The following CLTA variants were observed in gnomAD, a reference collection of about 807,000 sequenced individuals.
CLTA encodes the protein clathrin light chain A.
Under a neutral mutation model 26.9 loss-of-function variants are expected in CLTA, and 9 were observed. The observed-to-expected ratio is 0.33, with a 90% confidence interval of 0.20 to 0.58. The LOEUF is 0.58. Ranked by LOEUF, CLTA falls within the 20% of genes least tolerant of loss-of-function variation. CLTA has a pLI of 0.85. For synonymous variants in CLTA, 120 were observed against 115.5 expected (o/e 1.04, Z -0.25); for missense variants, 278 against 294.2 (o/e 0.94, Z 0.40).
At chr9:36,195,773 C>T (rs1826987140) in intron 1 of CLTA, among the ~76,000 whole-genome samples, 2 of 152,038 alleles carry the variant, frequency 1.3e-5, no homozygotes, top group African/African-American at 4.8e-5. Context: ...TTGAGACCAG[C>T]CTGACCAACA....
At chr9:36,204,324 A>C in intron 4 of CLTA, 145 bp downstream of exon 4, 1 of 842,354 alleles carries the variant, frequency 1.2e-6, no homozygotes, top group Non-Finnish European at 1.8e-6. Context: ...ACAGGTTGCA[A>C]GTCTCTCGGG....
chr9:36,198,908 T>A, intron 2 of CLTA, 71 bp from the exon 3 acceptor site: 2 of 971,086 alleles, frequency 2.1e-6, no homozygotes, highest in Non-Finnish European at 3.3e-6. Context: ...CCAGGGGTTC[T>A]AACTCAGGTG....
intron 1 of CLTA, among the ~76,000 whole-genome samples, chr9:36,196,122 C>CA (rs1328948934): frequency 6.6e-6 from 1 of 150,766 alleles, no homozygotes; most frequent in Non-Finnish European, 1.5e-5. Flanking sequence ...ACTAAAACTA[C>CA]AAAAAAAATT....
intron 2 of CLTA, among the ~76,000 whole-genome samples, chr9:36,198,199 T>C (rs1289258962): frequency 6.6e-6 from 1 of 151,748 alleles, no homozygotes; most frequent in Non-Finnish European, 1.5e-5. Context: ...GGTTTCGCCA[T>C]GTTGGCCAGG....
At chr9:36,198,303 C>T (rs1827174946) in intron 2 of CLTA, among the ~76,000 whole-genome samples, 2 of 151,934 alleles carry the variant, frequency 1.3e-5, no homozygotes, top group Admixed American at 1.3e-4. Context: ...CCGCCAGAGC[C>T]ACCGCAACCT....
At chr9:36,193,572 G>A (rs972814135) in intron 1 of CLTA, among the ~76,000 whole-genome samples, 1 of 152,206 alleles carries the variant, frequency 6.6e-6, no homozygotes, top group African/African-American at 2.4e-5. Flanking sequence ...GCTACTATTA[G>A]TGGGAGAAAG....
chr9:36,205,469 C>A (rs188701370), intron 4 of CLTA, among the ~76,000 whole-genome samples: 2 of 152,074 alleles, frequency 1.3e-5, no homozygotes, highest in Admixed American at 1.3e-4. Flanking sequence ...TCGGTAAAGC[C>A]GAGTGGGGAC....
At position 36,211,648 on chromosome 9, in the gene CLTA, A is replaced by C. The variant is rs201873493; in HGVS notation, c.531A>C (p.Pro177=). The C allele has an allele frequency of 4.3e-6, 7 of 1,614,058 alleles. No individual in the cohort carries two copies. The Admixed American group carries it at 1.2e-4, about 27-fold the overall frequency. ...TAAATGACATTGACGAGTCGTCCCC[A>C]GGCACTGAGTGGGAACGGGTGGCCC... ...AFVNDIDESS[P]GTEWERVARL... is the part of the protein sequence containing the mutation. The change falls in exon 5 of 5, where the codon CCA becomes CCC. Residue 177 remains proline, a synonymous_variant. Coordinates refer to ENST00000345519, the MANE Select transcript of CLTA (RefSeq NM_001833.4).
At chr9:36,197,312 CAG>C (rs776998282) in intron 1 of CLTA, among the ~76,000 whole-genome samples, 7 of 151,930 alleles carry the variant, frequency 4.6e-5, no homozygotes, top group East Asian at 1.9e-4. Context: ...AAATAGAAAA[CAG>C]AAAATAAAAT....
At chr9:36,210,501 C>G in intron 4 of CLTA, 1 of 1,495,702 alleles carries the variant, frequency 6.7e-7, no homozygotes, top group Non-Finnish European at 9.1e-7. Context: ...AGCTGCACGT[C>G]CCCAAGCACA....
At chr9:36,199,825 T>G (rs1190705617) in intron 3 of CLTA, among the ~76,000 whole-genome samples, 1 of 152,236 alleles carries the variant, frequency 6.6e-6, no homozygotes, top group Non-Finnish European at 1.5e-5. Flanking sequence ...GGAAAAAATG[T>G]ACAATTTGTT....
chr9:36,194,273 C>T (rs759456402), intron 1 of CLTA, among the ~76,000 whole-genome samples: 2 of 152,192 alleles, frequency 1.3e-5, no homozygotes, highest in African/African-American at 4.8e-5. Flanking sequence ...GTGAGCCACC[C>T]GCCTTGGCCT....
chr9:36,204,318 G>A, intron 4 of CLTA, 139 bp downstream of exon 4: 1 of 902,154 alleles, frequency 1.1e-6, no homozygotes, highest in Non-Finnish European at 1.7e-6. Context: ...CTTGAAACAG[G>A]TTGCAAGTCT....
rs770884133 is a variant in CLTA, at chr9:36,191,113, G to A, written c.57G>A (p.Leu19=). The A allele has an allele frequency of 1.1e-5, 18 of 1,600,234 alleles. No homozygotes were observed. Among genetic ancestry groups the A allele is most frequent in the Admixed American group, 1.7e-5 (1 of 59,046 alleles). The change falls in exon 1 of 5, where the codon CTG becomes CTA. Residue 19 remains leucine (L), a synonymous_variant. Coordinates refer to ENST00000345519, the MANE Select transcript of CLTA (RefSeq NM_001833.4). The stretch of plus-strand genomic sequence containing the variant: ...CCGGCGCCCCTGGCGGTCCCGCGCT[G>A]GGGAACGGAGTGGCCGGCGCCGGCG... ...APAGAPGGPA[L]GNGVAGAGEE...
chr9:36,202,992 C>T (rs1827504131), intron 3 of CLTA, among the ~76,000 whole-genome samples: 1 of 151,992 alleles, frequency 6.6e-6, no homozygotes, highest in Non-Finnish European at 1.5e-5. Context: ...CCACCACATC[C>T]AGCTAATTTT....
chr9:36,209,256 T>C, intron 4 of CLTA: 1 of 1,614,104 alleles, frequency 6.2e-7, no homozygotes, highest in Non-Finnish European at 8.5e-7. Context: ...TTTGGACCTC[T>C]TGCTGTCTAG....
intron 4 of CLTA, chr9:36,210,758 C>T: frequency 7.2e-7 from 1 of 1,396,836 alleles, no homozygotes; most frequent in South Asian, 1.2e-5. Flanking sequence ...ACGGCCATCC[C>T]TGTGATAGTG....
chr9:36,195,899 C>T (rs951289374), intron 1 of CLTA, among the ~76,000 whole-genome samples: 1 of 151,718 alleles, frequency 6.6e-6, no homozygotes, highest in Non-Finnish European at 1.5e-5. Flanking sequence ...ACCTGGGAGG[C>T]GGAGGTTGCA....
chr9:36,197,652 A>AT, intron 2 of CLTA, 64 bp downstream of exon 2: 6 of 1,298,262 alleles, frequency 4.6e-6, no homozygotes, highest in Non-Finnish European at 6.6e-6. Context: ...TGTGATTTTA[A>AT]TTGACTGACC....
Sources: allele counts gnomAD v4.1 joint callset (sites outside exome capture counted in the v4.1 genomes callset), GRCh38; gene constraint gnomAD v4.1.1; transcripts MANE v1.5; gene names NCBI Gene and HGNC (gene_info 2026-07-23, HGNC 2026-07-21).